CCDC30: variants seen among roughly 807,000 people sequenced by gnomAD.
CCDC30 encodes coiled-coil domain containing 30, also known as coiled-coil domain-containing protein 30.
In CCDC30, 70 loss-of-function variants were observed where a neutral mutation model predicts 100.2. The ratio of observed to expected loss-of-function variants is 0.70; its 90% CI spans 0.58 to 0.85. The LOEUF (loss-of-function observed/expected upper bound fraction) is 0.85, where lower values mean the gene tolerates loss of function less well. CCDC30 is among the 40% of genes least tolerant of loss of function. The pLI, the probability that CCDC30 is intolerant of heterozygous loss-of-function variation, is 0.00. For synonymous variants in CCDC30, 233 were observed against 269.5 expected (o/e 0.86, Z 1.33); for missense variants, 652 against 771.2 (o/e 0.85, Z 1.83).
At chr1:42,626,788 A>G (rs1646941488) in intron 11 of CCDC30, among the ~76,000 whole-genome samples, 1 of 152,170 alleles carries the variant, frequency 6.6e-6, no homozygotes, top group African/African-American at 2.4e-5. Context: ...TGCCACTGCC[A>G]TGTAAGAAGT....
At chr1:42,569,213 A>T (rs959342871) in intron 7 of CCDC30, 1 of 152,108 alleles carries the variant, frequency 6.6e-6, no homozygotes, top group African/African-American at 2.4e-5. Context: ...ATGGGAGAAA[A>T]TTTTTGCAAT....
intron 6 of CCDC30, among the ~76,000 whole-genome samples, chr1:42,499,780 C>CTTTT (rs113815487): frequency 4.1e-5 from 6 of 147,748 alleles, no homozygotes; most frequent in African/African-American, 1.2e-4. Flanking sequence ...GGCTTGTATT[C>CTTTT]TTTTTTTTTT....
At chr1:42,656,539 G>A (rs940210834), downstream of CCDC30, among the ~76,000 whole-genome samples, 5 of 152,128 alleles carry the variant, frequency 3.3e-5, no homozygotes, top group African/African-American at 7.2e-5. Flanking sequence ...GCTGAGGCTC[G>A]AGAATCACCT....
chr1:42,569,278 T>C (rs945023498), intron 7 of CCDC30: 3 of 151,788 alleles, frequency 2.0e-5, no homozygotes, highest in Non-Finnish European at 2.9e-5. Flanking sequence ...TTAAACACAT[T>C]TAGAAGAAAA....
chr1:42,509,115 T>C (rs909251031), intron 6 of CCDC30, among the ~76,000 whole-genome samples: 4 of 152,176 alleles, frequency 2.6e-5, no homozygotes, highest in Non-Finnish European at 5.9e-5. Flanking sequence ...TTTTGAAACC[T>C]TCATTGCAAA....
At chr1:42,580,139 G>A (rs1645932437) in intron 8 of CCDC30, among the ~76,000 whole-genome samples, 1 of 152,188 alleles carries the variant, frequency 6.6e-6, no homozygotes, top group African/African-American at 2.4e-5. Flanking sequence ...TGACAGAGAA[G>A]CCAATGAGGT....
intron 6 of CCDC30, among the ~76,000 whole-genome samples, chr1:42,562,725 A>G (rs1170714467): frequency 6.6e-6 from 1 of 152,242 alleles, no homozygotes; most frequent in Non-Finnish European, 1.5e-5. Flanking sequence ...AAGGTCTAAT[A>G]TCTAGAATCT....
chr1:42,510,932 A>C (rs1644468667), intron 6 of CCDC30, among the ~76,000 whole-genome samples: 1 of 152,062 alleles, frequency 6.6e-6, no homozygotes, highest in Non-Finnish European at 1.5e-5. Context: ...CTTGTGTAAA[A>C]GAAAATGAGC....
intron 6 of CCDC30, among the ~76,000 whole-genome samples, chr1:42,551,308 A>ATT (rs1418695953): frequency 1.3e-5 from 2 of 152,214 alleles, no homozygotes; most frequent in African/African-American, 2.4e-5. Flanking sequence ...TAGAAAAGGA[A>ATT]TAGGACAGGG....
At chr1:42,457,407 T>A in the CCDC30 span, 27 of 1,473,538 alleles carry the variant, frequency 1.8e-5, no homozygotes, top group East Asian at 5.9e-4. Context: ...TTGGGTTAAT[T>A]TCCTCTTGAT....
At chr1:42,615,457 C>T (rs999726471) in intron 11 of CCDC30, among the ~76,000 whole-genome samples, 1 of 152,034 alleles carries the variant, frequency 6.6e-6, no homozygotes, top group Non-Finnish European at 1.5e-5. Flanking sequence ...GCCACTACTG[C>T]CCGGCTAATT....
intron 6 of CCDC30, chr1:42,521,014 C>A (rs1644635181): frequency 6.9e-6 from 1 of 144,712 alleles, no homozygotes; most frequent in African/African-American, 2.5e-5. Flanking sequence ...CGCTCTTTTG[C>A]CCAGGCTGGA....
intron 6 of CCDC30, among the ~76,000 whole-genome samples, chr1:42,531,123 G>A (rs1156845386): frequency 1.8e-5 from 2 of 111,552 alleles, no homozygotes; most frequent in Non-Finnish European, 4.1e-5. Context: ...CCTCCTTGCT[G>A]TTTTAGTAAT....
chr1:42,516,613 C>T (rs1218884222), intron 6 of CCDC30, among the ~76,000 whole-genome samples: 4 of 150,500 alleles, frequency 2.7e-5, no homozygotes, highest in Non-Finnish European at 5.9e-5. Context: ...CTTGGTTTCT[C>T]TCTTGCCTTC....
intron 6 of CCDC30, chr1:42,556,282 A>G (rs372817211): frequency 1.6e-4 from 257 of 1,613,958 alleles, no homozygotes; most frequent in Non-Finnish European, 2.1e-4. Context: ...ATGAAGAAAA[A>G]GAACAGCAGT....
intron 6 of CCDC30, among the ~76,000 whole-genome samples, chr1:42,530,924 T>A (rs917344991): frequency 2.6e-5 from 4 of 152,140 alleles, no homozygotes; most frequent in Non-Finnish European, 5.9e-5. Context: ...TTGGAACATA[T>A]CTTCCAAAGA....
chr1:42,510,085 A>G (rs1057346937), intron 6 of CCDC30: 8 of 985,434 alleles, frequency 8.1e-6, no homozygotes, highest in Middle Eastern at 5.2e-4. Context: ...GGAGCTGACA[A>G]TGTAGATGGT....
chr1:42,494,128 A>G lies in CCDC30; in HGVS notation c.242-2970A>G, dbSNP rs555974097. Among the ~76,000 whole-genome samples the G allele has an allele frequency of 1.7e-3, 256 of 152,358 alleles. 1 individual carries two copies. The highest frequency in any genetic ancestry group is 6.0e-3 in the African/African-American group (249 of 41,594). On this transcript the variant is annotated intron_variant, in intron 4 of 16. Transcript: ENST00000668663. The stretch of plus-strand genomic sequence containing the variant: ...ACTATACTACAAGGCTACAGTAACC[A>G]AAACAGCATGGTACTGGTACCAAAA...
intron 6 of CCDC30, 38 bp from the exon 8 acceptor site, chr1:42,539,135 T>G (rs770434273): frequency 6.9e-7 from 1 of 1,443,506 alleles, no homozygotes; most frequent in East Asian, 2.4e-5. Context: ...GAAAATAGTC[T>G]TATTTTATTC....
Sources: allele counts gnomAD v4.1 joint callset (sites outside exome capture counted in the v4.1 genomes callset), GRCh38; gene constraint gnomAD v4.1.1; transcripts MANE v1.5; gene names NCBI Gene and HGNC (gene_info 2026-07-23, HGNC 2026-07-21).